The following SCN2A variants were observed in gnomAD, a reference collection of about 807,000 sequenced individuals.
The protein encoded by SCN2A is sodium channel protein type 2 subunit alpha.
In SCN2A, 20 loss-of-function variants were observed where a neutral mutation model predicts 188.7. That is an observed-to-expected ratio of 0.11 (90% CI 0.07 to 0.15). The LOEUF (loss-of-function observed/expected upper bound fraction) is 0.15, where lower values mean the gene tolerates loss of function less well. SCN2A is among the 10% of genes least tolerant of loss of function. The pLI, the probability that SCN2A is intolerant of heterozygous loss-of-function variation, is 1.00. For synonymous variants in SCN2A, 804 were observed against 833.1 expected (o/e 0.97, Z 0.60); for missense variants, 1,278 against 2,445.0 (o/e 0.52, Z 10.07).
chr2:165,370,529 C>T (rs1012009977), intron 20 of SCN2A: 3 of 416,142 alleles, frequency 7.2e-6, no homozygotes, highest in African/African-American at 6.0e-5. Context: ...CACTTAATTT[C>T]AAATTAATAT....
chr2:165,303,518 G>A (rs1203490532), intron 3 of SCN2A, among the ~76,000 whole-genome samples: 1 of 151,788 alleles, frequency 6.6e-6, no homozygotes, highest in African/African-American at 2.4e-5. Context: ...CTCGTGATCC[G>A]CCCGCCTCGG....
chr2:165,314,035 A>G lies in SCN2A; in HGVS notation c.1310A>G (p.Glu437Gly). Residue 437 changes from glutamate (E) to glycine (G), a missense_variant, in exon 10 of 27, where the codon GAA (glutamate) becomes GGA (glycine). Around this residue, in one of 17 missense-constraint regions of SCN2A, gnomAD observed 42 missense variants for 137.3 expected, o/e 0.31. Coordinates refer to ENST00000375437, the MANE Select transcript of SCN2A (RefSeq NM_001040142.2). ...GAGGAACAGAATCAGGCCACATTGG[A>G]AGAGGCTGAACAGAAGGAAGCTGAA... is the stretch of plus-strand genomic sequence containing the variant. ...AYEEQNQATL[E>G]EAEQKEAEFQ... 1 of 1,613,756 alleles carries G rather than the reference A, an allele frequency of 6.2e-7. No individual in the cohort carries two copies. Among genetic ancestry groups the G allele is most frequent in the Non-Finnish European group, 8.5e-7 (1 of 1,179,774 alleles).
chr2:165,383,074 A>T (rs945651352), intron 25 of SCN2A, among the ~76,000 whole-genome samples: 9 of 152,172 alleles, frequency 5.9e-5, no homozygotes, highest in African/African-American at 2.2e-4. Context: ...AAATCCATTT[A>T]TTCCTGCATT....
intron 21 of SCN2A, 105 bp from the exon 22 acceptor site, chr2:165,374,580 A>T: frequency 7.7e-7 from 1 of 1,295,658 alleles, no homozygotes; most frequent in South Asian, 1.2e-5. Context: ...TTCAACTTTG[A>T]AACAGATTTT....
Position 165,326,908 on chromosome 2 carries a change from C to A in SCN2A, c.2073C>A (p.Ser691=), listed in dbSNP as rs745451958. 1 of 1,613,920 alleles carries A rather than the reference C, an allele frequency of 6.2e-7. No homozygotes were observed. The highest frequency in any genetic ancestry group is 8.5e-7 in the Non-Finnish European group (1 of 1,179,884). The change falls in exon 13 of 27, where the codon TCC becomes TCA. Residue 691 remains serine, a synonymous_variant. Coordinates refer to ENST00000375437, the MANE Select transcript of SCN2A (RefSeq NM_001040142.2). ...RKRRSSSYHV[S]MDLLEDPTSR... ...GACGGTCCAGTTCTTATCATGTTTC[C>A]ATGGATTTATTGGAAGATCCTACAT...
At chr2:165,258,407 T>G (rs180912196) in intron 1 of SCN2A, among the ~76,000 whole-genome samples, 1 of 152,314 alleles carries the variant, frequency 6.6e-6, no homozygotes, top group African/African-American at 2.4e-5. Context: ...CCAGCATTGT[T>G]TATTAAACAG....
At chr2:165,258,011 GT>G (rs1373976339) in intron 1 of SCN2A, among the ~76,000 whole-genome samples, 1 of 151,698 alleles carries the variant, frequency 6.6e-6, no homozygotes, top group Non-Finnish European at 1.5e-5. Flanking sequence ...TGTTGTTTTT[GT>G]TTTTTGTTTT....
At chr2:165,251,360 A>T (rs1358946791) in intron 1 of SCN2A, among the ~76,000 whole-genome samples, 1 of 152,088 alleles carries the variant, frequency 6.6e-6, no homozygotes, top group Non-Finnish European at 1.5e-5. Context: ...AAACGATAAT[A>T]TGTGTAGAAA....
At chr2:165,246,304 G>A (rs1693843247) in intron 1 of SCN2A, among the ~76,000 whole-genome samples, 1 of 152,082 alleles carries the variant, frequency 6.6e-6, no homozygotes, top group African/African-American at 2.4e-5. Context: ...CATATGTATG[G>A]CCTCTTAACA....
At chr2:165,265,030 T>C (rs1014763179) in intron 1 of SCN2A, among the ~76,000 whole-genome samples, 19 of 152,126 alleles carry the variant, frequency 1.2e-4, no homozygotes, top group Non-Finnish European at 2.5e-4. Context: ...TCTTTAGTTG[T>C]TTGAGGAATC....
In SCN2A at chr2:165,312,826, G is replaced by A. The variant is rs116448792; in HGVS notation, c.1034+738G>A. ...CACAAAAGTCTAATGCACTTTCTTTGGACGATGATACTGTGGACATTAGTA... is the reference window on the plus strand; with the variant it reads ...CACAAAAGTCTAATGCACTTTCTTTAGACGATGATACTGTGGACATTAGTA... On this transcript the variant is annotated intron_variant, in intron 8 of 26. Coordinates refer to ENST00000375437, the MANE Select transcript of SCN2A (RefSeq NM_001040142.2). Among the ~76,000 whole-genome samples the A allele has an allele frequency of 3.3e-3, 504 of 152,164 alleles. 3 individuals are homozygous for A. The highest frequency in any genetic ancestry group is 0.012 in the African/African-American group (482 of 41,530).
rs575373174 is a variant in SCN2A, at chr2:165,242,670, G to A, written c.-52+3030G>A. ...ACCTGGAGAAAGAAGGTACTGTTGAGGGAAATTTAACTTTAGTGCAGATTA... is the reference window on the plus strand; with the variant it reads ...ACCTGGAGAAAGAAGGTACTGTTGAAGGAAATTTAACTTTAGTGCAGATTA... On this transcript the variant is annotated intron_variant, in intron 1 of 26. Coordinates refer to ENST00000375437, the MANE Select transcript of SCN2A (RefSeq NM_001040142.2). Among the ~76,000 whole-genome samples the A allele has an allele frequency of 3.3e-5, 5 of 152,258 alleles. No individual in the cohort carries two copies. The South Asian group carries it at 1.0e-3, about 32-fold the overall frequency.
intron 17 of SCN2A, among the ~76,000 whole-genome samples, chr2:165,364,489 G>T (rs910406111): frequency 6.6e-6 from 1 of 152,238 alleles, no homozygotes; most frequent in African/African-American, 2.4e-5. Context: ...GCAGGTAAGA[G>T]TGCCAGAGTA....
At chr2:165,241,573 G>T (rs975102120) in intron 1 of SCN2A, among the ~76,000 whole-genome samples, 3 of 152,172 alleles carry the variant, frequency 2.0e-5, no homozygotes, top group African/African-American at 7.2e-5. Context: ...TATATTTGTG[G>T]AATACCACGT....
Position 165,247,202 on chromosome 2 carries a change from A to G in SCN2A, c.-52+7562A>G, listed in dbSNP as rs2106060428. 4.6e-5 allele frequency among the ~76,000 whole-genome samples: 7 copies of G among 152,166 alleles called. 1 individual carries two copies. The Middle Eastern group carries it at 0.024, about 521-fold the overall frequency. On this transcript the variant is annotated intron_variant, in intron 1 of 26. Coordinates refer to ENST00000375437, the MANE Select transcript of SCN2A (RefSeq NM_001040142.2). ...TTTCTCTGTCTCTCCTGCATTAGTA[A>G]TTTTAGCTCTTTATTATATTTGCAT...
intron 1 of SCN2A, chr2:165,294,082 T>G: frequency 1.0e-6 from 1 of 975,950 alleles, no homozygotes; most frequent in Non-Finnish European, 1.2e-6. Flanking sequence ...AGCTGCAGTC[T>G]TCTTGGTGCC....
At chr2:165,286,756 G>T (rs1695853158) in intron 1 of SCN2A, among the ~76,000 whole-genome samples, 1 of 152,068 alleles carries the variant, frequency 6.6e-6, no homozygotes, top group Admixed American at 6.5e-5. Context: ...TGAGATTTTT[G>T]GGTTGAAGAG....
intron 14 of SCN2A, among the ~76,000 whole-genome samples, chr2:165,339,932 T>C (rs549718079): frequency 9.8e-5 from 15 of 152,328 alleles, no homozygotes; most frequent in East Asian, 7.7e-4. Context: ...GAATCTACAG[T>C]ATTGGCATAA....
chr2:165,315,501 A>G lies in SCN2A; in HGVS notation c.1414A>G (p.Arg472Gly). ...AGCTGCAGCCGCATCTGCTGAATCA[A>G]GAGACTTCAGTGGTGCTGGTGGGAT... is the stretch of plus-strand genomic sequence containing the variant. ...AAAAAASAES[R>G]DFSGAGGIGV... is the part of the protein sequence containing the mutation. Residue 472 changes from arginine (R) to glycine (G), a missense_variant, in exon 11 of 27, where the codon AGA becomes GGA. This residue lies in a region of SCN2A where 315 missense variants were observed against 386.6 expected (regional missense o/e 0.81). Coordinates refer to ENST00000375437, the MANE Select transcript of SCN2A (RefSeq NM_001040142.2). 1.2e-6 allele frequency: 2 copies of G among 1,613,966 alleles called. No homozygotes were observed. Among genetic ancestry groups the G allele is most frequent in the East Asian group, 2.2e-5 (1 of 44,872 alleles).
Sources: allele counts gnomAD v4.1 joint callset (sites outside exome capture counted in the v4.1 genomes callset), GRCh38; gene constraint gnomAD v4.1.1; regional missense constraint gnomAD v4.1.1; transcripts MANE v1.5; gene names NCBI Gene and HGNC (gene_info 2026-07-23, HGNC 2026-07-21).